FLOT1: variants seen among roughly 807,000 people sequenced by gnomAD.
FLOT1 encodes flotillin 1, also known as flotillin-1.
Under a neutral mutation model 58.4 loss-of-function variants are expected in FLOT1, and 40 were observed. The ratio of observed to expected loss-of-function variants is 0.69; its 90% CI spans 0.53 to 0.89. FLOT1 has a LOEUF of 0.89. Ranked by LOEUF, FLOT1 falls within the 40% of genes least tolerant of loss-of-function variation. The pLI, the probability that FLOT1 is intolerant of heterozygous loss-of-function variation, is 0.00. For missense variants in FLOT1, 423 were observed against 540.8 expected, an observed-to-expected ratio of 0.78 and a Z score of 2.16; for synonymous variants, 178 against 204.2, an observed-to-expected ratio of 0.87 and a Z score of 1.09.
intron 8 of FLOT1, among the ~76,000 whole-genome samples, chr6:30,731,395 G>C (rs1218049431): frequency 2.0e-5 from 3 of 147,674 alleles, no homozygotes; most frequent in African/African-American, 7.6e-5. Flanking sequence ...TGAGGCAGGA[G>C]AATTGCTTGA....
chr6:30,741,453 G>A lies in FLOT1; in HGVS notation c.211-120C>T, dbSNP rs1296668621. On this transcript the variant is annotated intron_variant, in intron 4 of 12. Transcript: ENST00000376389. This position sits in a 1 kb window ranked among gnomAD's most constrained non-coding sequence, Gnocchi z 5.9. ...TCTTCCATTTCAGGGAAAGAAAGGA[G>A]GAGGAGGCAAGTGCCTTGGGGTGCC... 16 of 1,424,124 alleles carry A rather than the reference G, an allele frequency of 1.1e-5. No individual in the cohort carries two copies. The highest frequency in any genetic ancestry group is 1.4e-5 in the Non-Finnish European group (14 of 1,024,224). 88.2% of individuals were successfully genotyped at this position (1,424,124 alleles called of 1,614,324 possible). A position where few individuals can be genotyped will look rare whatever the true frequency, so the allele number is the denominator to read the frequency against.
At chr6:30,739,649 T>C (rs1173642874) in intron 8 of FLOT1, among the ~76,000 whole-genome samples, 1 of 152,022 alleles carries the variant, frequency 6.6e-6, no homozygotes, top group Non-Finnish European at 1.5e-5. Context: ...ATTACAGGCA[T>C]GAGCCACCGC....
In FLOT1 at chr6:30,730,698, T is replaced by A. The variant is rs751984205; in HGVS notation, c.935A>T (p.Glu312Val). ...TTAACTCACCCGCACAGACGCGGCT[T>A]CTGCCTCCGCCTGCATAATTAGTTG... The part of the protein sequence containing the change: ...KSQLIMQAEA[E>V]AASVRMRGEA... The change falls in exon 10 of 13, where the codon GAA becomes GTA. Residue 312 changes from glutamate (E) to valine (V), a missense_variant. Transcript: ENST00000376389. The A allele has an allele frequency of 1.9e-6, 3 of 1,613,498 alleles. No individual in the cohort carries two copies. The South Asian group carries it at 3.3e-5, about 18-fold the overall frequency.
intron 8 of FLOT1, among the ~76,000 whole-genome samples, chr6:30,739,512 G>A (rs1340148082): frequency 6.6e-6 from 1 of 151,998 alleles, no homozygotes; most frequent in African/African-American, 2.4e-5. Context: ...TGGGACTACA[G>A]GTGCGTGCCA....
Position 30,741,517 on chromosome 6 carries a change from C to T in FLOT1, c.210+97G>A. 7.8e-7 allele frequency: 1 copy of T among 1,280,974 alleles called. No homozygotes were observed. The highest frequency in any genetic ancestry group is 1.1e-6 in the Non-Finnish European group (1 of 886,276). 79.4% of individuals were successfully genotyped at this position (1,280,974 alleles called of 1,614,324 possible). On this transcript the variant is annotated intron_variant, in intron 4 of 12. Coordinates refer to ENST00000376389, the MANE Select transcript of FLOT1 (RefSeq NM_005803.4). The surrounding 1 kb of genome is among the most constrained non-coding windows in gnomAD (Gnocchi z 5.9). Reference sequence around the variant, plus strand: ...ACTAGCAGAGGAACTTCTCTGCAGGCAAGGGTTGAGAAGACTGTGGCCAGA... The same window carrying T: ...ACTAGCAGAGGAACTTCTCTGCAGGTAAGGGTTGAGAAGACTGTGGCCAGA...
Position 30,741,083 on chromosome 6 carries a change from G to C in FLOT1, c.354+107C>G. The C allele has an allele frequency of 7.2e-7, 1 of 1,385,014 alleles. No individual in the cohort carries two copies. Among genetic ancestry groups the C allele is most frequent in the Non-Finnish European group, 1.0e-6 (1 of 1,003,542 alleles). The allele number at this position is 1,385,014 out of a possible 1,614,324, so 85.8% of individuals were successfully genotyped here. A position where few individuals can be genotyped will look rare whatever the true frequency, so the allele number is the denominator to read the frequency against. ...ATTACAGGCATGAACCACCCTGCCCGGCCGGGATGTATGCTCTTGGATCCA... is the reference window on the plus strand; with the variant it reads ...ATTACAGGCATGAACCACCCTGCCCCGCCGGGATGTATGCTCTTGGATCCA... On this transcript the variant is annotated intron_variant, in intron 5 of 12. Transcript: ENST00000376389. The surrounding 1 kb of genome is among the most constrained non-coding windows in gnomAD (Gnocchi z 5.9).
chr6:30,741,654 G>T lies in FLOT1; in HGVS notation c.170C>A (p.Thr57Asn). Residue 57 changes from threonine to asparagine, a missense_variant, in exon 4 of 13, where the codon ACT (threonine) becomes AAT (asparagine). Around this residue, in one of 6 missense-constraint regions of FLOT1, gnomAD observed 91 missense variants for 118.3 expected, o/e 0.77. Transcript: ENST00000376389. The surrounding 1 kb of genome is among the most constrained non-coding windows in gnomAD (Gnocchi z 5.9). The part of the protein sequence containing the change: ...TLNVKSEKVY[T>N]RHGVPISVTG... ...GACTGAGATGGGGACCCCATGGCGAGTGTAAACCTTTTCACTCTTGACATT... is the reference window on the plus strand; with the variant it reads ...GACTGAGATGGGGACCCCATGGCGATTGTAAACCTTTTCACTCTTGACATT... 1 of 1,612,868 alleles carries T rather than the reference G, an allele frequency of 6.2e-7. No homozygotes were observed.
In FLOT1 at chr6:30,742,026, C is replaced by A; in HGVS notation, c.43+121G>T. On this transcript the variant is annotated intron_variant, in intron 2 of 12. Transcript: ENST00000376389. This position sits in a 1 kb window ranked among gnomAD's most constrained non-coding sequence, Gnocchi z 5.2. ...ATGGTGGGAATCAAACTGGGCAGTT[C>A]GTGGCCATCAAGGGGCAGAAGTCTG... The A allele has an allele frequency of 8.2e-7, 1 of 1,216,448 alleles. No homozygotes were observed. 75.4% of individuals were successfully genotyped at this position (1,216,448 alleles called of 1,614,324 possible). A position where few individuals can be genotyped will look rare whatever the true frequency, so the allele number is the denominator to read the frequency against.
chr6:30,741,315 T>C lies in FLOT1; in HGVS notation c.229A>G (p.Asn77Asp). 1 of 1,613,108 alleles carries C rather than the reference T, an allele frequency of 6.2e-7. No individual in the cohort carries two copies. The highest frequency in any genetic ancestry group is 8.5e-7 in the Non-Finnish European group (1 of 1,180,034). Residue 77 changes from asparagine (N) to aspartate (D), a missense_variant, in exon 5 of 13, where the codon AAC becomes GAC. Asn to Asp is a conservative substitution (Grantham distance 23). This residue lies in a region of FLOT1 where 91 missense variants were observed against 118.3 expected (regional missense o/e 0.77). Transcript: ENST00000376389. This position sits in a 1 kb window ranked among gnomAD's most constrained non-coding sequence, Gnocchi z 5.9. ...GIAQVKIQGQ[N>D]KEMLAAACQM... ...CAGGCGGCCGCCAACATCTCCTTGTTCTGCCCCTGGATTTTTACCTGTAGC... is the reference window on the plus strand; with the variant it reads ...CAGGCGGCCGCCAACATCTCCTTGTCCTGCCCCTGGATTTTTACCTGTAGC...
Position 30,729,897 on chromosome 6 carries a change from C to T in FLOT1, c.1254+125G>A. 3 of 804,400 alleles carry T rather than the reference C, an allele frequency of 3.7e-6. No homozygotes were observed. The Admixed American group carries it at 6.7e-5, about 18-fold the overall frequency. 49.8% of individuals were successfully genotyped at this position (804,400 alleles called of 1,614,324 possible). The stretch of plus-strand genomic sequence containing the variant: ...TGTAGAAGCTTAGCACTGTGTCTGG[C>T]ACACAGAAAGTGATTAATAAACATC... On this transcript the variant is annotated intron_variant, in intron 12 of 12. Coordinates refer to ENST00000376389, the MANE Select transcript of FLOT1 (RefSeq NM_005803.4).
At chr6:30,735,319 T>C (rs943550908) in intron 8 of FLOT1, among the ~76,000 whole-genome samples, 2 of 151,910 alleles carry the variant, frequency 1.3e-5, no homozygotes, top group Non-Finnish European at 2.9e-5. Flanking sequence ...CTTCAGATAA[T>C]AGACTTCCAA....
chr6:30,733,080 G>GGC (rs527699611), intron 8 of FLOT1, among the ~76,000 whole-genome samples: 136 of 152,134 alleles, frequency 8.9e-4, no homozygotes, highest in Non-Finnish European at 1.6e-3. Context: ...TTGGCACCCA[G>GGC]GCTGGAGTGC....
Position 30,741,178 on chromosome 6 carries a change from C to T in FLOT1, c.354+12G>A, listed in dbSNP as rs1059612. On this transcript the variant is annotated intron_variant, in intron 5 of 12. Coordinates refer to ENST00000376389, the MANE Select transcript of FLOT1 (RefSeq NM_005803.4). The surrounding 1 kb of genome is among the most constrained non-coding windows in gnomAD (Gnocchi z 5.9). ...GACATCCTTCCAGATGGTTCCCTGC[C>T]CCTAGGCCAACCTCCACAGTCATGT... The T allele has an allele frequency of 0.11, 172,040 of 1,612,410 alleles. 11,832 individuals are homozygous for T. The highest frequency in any genetic ancestry group is 0.13 in the Non-Finnish European group (157,122 of 1,179,706).
chr6:30,733,218 T>C (rs1177334734), intron 8 of FLOT1, among the ~76,000 whole-genome samples: 2 of 151,936 alleles, frequency 1.3e-5, no homozygotes, highest in Non-Finnish European at 2.9e-5. Flanking sequence ...GTGTTTTTAA[T>C]AGAGATGGGG....
At position 30,731,000 on chromosome 6, in the gene FLOT1, C is replaced by A. The variant is rs768249651; in HGVS notation, c.824G>T (p.Arg275Leu). The A allele has an allele frequency of 5.0e-6, 8 of 1,613,684 alleles. No individual in the cohort carries two copies. Among genetic ancestry groups the A allele is most frequent in the Non-Finnish European group, 6.8e-6 (8 of 1,180,022 alleles). ...VAVQEQEIAR[R>L]EKELEARVRK... Reference sequence around the variant, plus strand: ...CACCCGGGCCTCCAGCTCCTTCTCCCGCCGGGCGATCTCCTGCTCCTGCAC... The same window carrying A: ...CACCCGGGCCTCCAGCTCCTTCTCCAGCCGGGCGATCTCCTGCTCCTGCAC... Residue 275 changes from arginine (R) to leucine (L), a missense_variant, in exon 9 of 13, where the codon CGG (arginine) becomes CTG (leucine). By Grantham distance (102) the Arg-to-Leu change is moderately radical (BLOSUM62 -2). Transcript: ENST00000376389.
chr6:30,741,958 G>C lies in FLOT1; in HGVS notation c.44-91C>G, dbSNP rs1197877313. On this transcript the variant is annotated intron_variant, in intron 2 of 12. Transcript: ENST00000376389. This position sits in a 1 kb window ranked among gnomAD's most constrained non-coding sequence, Gnocchi z 5.9. ...GGGGTGAGGGGACAGCAACCCACAG[G>C]AGAGAATCTGGGAGCTGGAGGGGAA... 1 of 1,299,602 alleles carries C rather than the reference G, an allele frequency of 7.7e-7. No homozygotes were observed. Among genetic ancestry groups the C allele is most frequent in the East Asian group, 2.3e-5 (1 of 43,288 alleles). The allele number at this position is 1,299,602 out of a possible 1,614,324, so 80.5% of individuals were successfully genotyped here.
At chr6:30,734,973 A>G (rs1777461431) in intron 8 of FLOT1, among the ~76,000 whole-genome samples, 4 of 152,136 alleles carry the variant, frequency 2.6e-5, no homozygotes, top group Admixed American at 2.6e-4. Flanking sequence ...AGGTCTCAAC[A>G]CTGAAAGGAA....
chr6:30,742,040 G>T lies in FLOT1; in HGVS notation c.43+107C>A. The stretch of plus-strand genomic sequence containing the variant: ...ACTGGGCAGTTCGTGGCCATCAAGG[G>T]GCAGAAGTCTGGTGCTGGGAAGTTG... On this transcript the variant is annotated intron_variant, in intron 2 of 12. Coordinates refer to ENST00000376389, the MANE Select transcript of FLOT1 (RefSeq NM_005803.4). This position sits in a 1 kb window ranked among gnomAD's most constrained non-coding sequence, Gnocchi z 5.2. The T allele has an allele frequency of 1.5e-6, 2 of 1,302,184 alleles. No individual in the cohort carries two copies. Among genetic ancestry groups the T allele is most frequent in the Non-Finnish European group, 2.2e-6 (2 of 907,368 alleles). 80.7% of individuals were successfully genotyped at this position (1,302,184 alleles called of 1,614,324 possible).
At chr6:30,738,935 C>T (rs1283296346) in intron 8 of FLOT1, among the ~76,000 whole-genome samples, 1 of 152,192 alleles carries the variant, frequency 6.6e-6, no homozygotes, top group Non-Finnish European at 1.5e-5. Flanking sequence ...CACCTGGGTA[C>T]TGTGCGTGTC....
Sources: allele counts gnomAD v4.1 joint callset (sites outside exome capture counted in the v4.1 genomes callset), GRCh38; gene constraint gnomAD v4.1.1; regional missense constraint gnomAD v4.1.1; non-coding constraint Gnocchi (gnomAD v3.1); transcripts MANE v1.5; gene names NCBI Gene and HGNC (gene_info 2026-07-23, HGNC 2026-07-21).